IHO1: variants seen among roughly 807,000 people sequenced by gnomAD.
The protein encoded by IHO1 is interactor of HORMAD1 protein 1.
Under a neutral mutation model 31.0 loss-of-function variants are expected in IHO1, and 13 were observed. The observed-to-expected ratio is 0.42, with a 90% CI of 0.27 to 0.67. IHO1 has a LOEUF of 0.67. Ranked by LOEUF, IHO1 falls within the 30% of genes least tolerant of loss-of-function variation. The pLI, the probability that IHO1 is intolerant of heterozygous loss-of-function variation, is 0.24. For synonymous variants in IHO1, 221 were observed against 248.4 expected, an observed-to-expected ratio of 0.89 and a Z score of 1.04; for missense variants, 599 against 687.5, an observed-to-expected ratio of 0.87 and a Z score of 1.44.
At chr3:49,200,508 A>AAAG (rs372393057) in intron 1 of IHO1, 1 of 905,796 alleles carries the variant, frequency 1.1e-6, no homozygotes, top group South Asian at 5.1e-5. Flanking sequence ...AGAAAGAAAG[A>AAAG]AAGAAAGAAA....
chr3:49,195,976 C>CT (rs2045994167), upstream of IHO1, among the ~76,000 whole-genome samples: 2 of 151,454 alleles, frequency 1.3e-5, no homozygotes, highest in Admixed American at 1.3e-4. Flanking sequence ...GGGCTCATGC[C>CT]TGTAATCCCA....
At chr3:49,206,249 C>G (rs2046135125) in intron 1 of IHO1, among the ~76,000 whole-genome samples, 1 of 152,074 alleles carries the variant, frequency 6.6e-6, no homozygotes, top group Non-Finnish European at 1.5e-5. Context: ...CAGGCATGAG[C>G]CCCTGCGCCC....
chr3:49,209,246 C>G (rs1354720964), intron 1 of IHO1, among the ~76,000 whole-genome samples: 1 of 152,136 alleles, frequency 6.6e-6, no homozygotes, highest in Non-Finnish European at 1.5e-5. Flanking sequence ...GAGAGACTAC[C>G]TTTTTTACCT....
At chr3:49,195,874 GGC>G (rs1414629116), upstream of IHO1, among the ~76,000 whole-genome samples, 9 of 151,546 alleles carry the variant, frequency 5.9e-5, no homozygotes, top group East Asian at 1.8e-3. Context: ...GGCCAAGGTG[GGC>G]GGATCACGAG....
At chr3:49,211,720 A>G (rs2046218958) in intron 1 of IHO1, 46 bp from the exon 2 acceptor site, 2 of 942,010 alleles carry the variant, frequency 2.1e-6, no homozygotes, top group Non-Finnish European at 3.4e-6. Flanking sequence ...CTTTGGAAAA[A>G]ATTATACTGT....
chr3:49,256,081 G>C lies in IHO1; in HGVS notation c.637-53G>C, dbSNP rs901419621. The C allele has an allele frequency of 3.7e-5, 53 of 1,448,306 alleles. No homozygotes were observed. The highest frequency in any genetic ancestry group is 4.9e-5 in the Non-Finnish European group (52 of 1,062,640). 89.7% of individuals were successfully genotyped at this position (1,448,306 alleles called of 1,614,324 possible). A position where few individuals can be genotyped will look rare whatever the true frequency, so the allele number is the denominator to read the frequency against. ...TTGGTCTGTTCTCATGTTTTATTGT[G>C]CTTTCTGACTTGCACTGTCCATCAC... is the stretch of plus-strand genomic sequence containing the variant. On this transcript the variant is annotated intron_variant, in intron 7 of 7. Coordinates refer to ENST00000452691, the MANE Select transcript of IHO1 (RefSeq NM_001135197.2). This position sits in a 1 kb window ranked among gnomAD's most constrained non-coding sequence, Gnocchi z 4.6.
chr3:49,194,890 C>G (rs1428702637), upstream of IHO1, among the ~76,000 whole-genome samples: 1 of 151,390 alleles, frequency 6.6e-6, no homozygotes, highest in Non-Finnish European at 1.5e-5. Context: ...AATGAGACCC[C>G]GTCTCAAATA....
chr3:49,215,664 A>AGC (rs1244042462), intron 2 of IHO1, among the ~76,000 whole-genome samples: 1 of 152,150 alleles, frequency 6.6e-6, no homozygotes, highest in Non-Finnish European at 1.5e-5. Context: ...AGGAGATGGG[A>AGC]GCTTAGCCTC....
chr3:49,242,922 G>T (rs185273730), intron 4 of IHO1, among the ~76,000 whole-genome samples: 2 of 152,226 alleles, frequency 1.3e-5, no homozygotes, highest in Admixed American at 1.3e-4. Flanking sequence ...TTTAGGTTCA[G>T]GGGTATATGT....
chr3:49,257,544 G>T lies in IHO1; in HGVS notation c.*262G>T, dbSNP rs1010742805. On this transcript the variant is annotated 3_prime_UTR_variant, in exon 8 of 8. Transcript: ENST00000452691. ...TGAAAACTGAGGCAGCAGCCTGGTT[G>T]TGGGGCATCTGGAGCAGGGTGCCTG... 2.4e-6 allele frequency: 1 copy of T among 415,422 alleles called. No homozygotes were observed. Among genetic ancestry groups the T allele is most frequent in the Admixed American group, 4.1e-5 (1 of 24,522 alleles). 25.7% of individuals were successfully genotyped at this position (415,422 alleles called of 1,614,324 possible).
chr3:49,204,844 G>A (rs1204792241), intron 1 of IHO1, among the ~76,000 whole-genome samples: 1 of 151,894 alleles, frequency 6.6e-6, no homozygotes, highest in African/African-American at 2.4e-5. Context: ...CCAATATGGT[G>A]AAACCCCATC....
At chr3:49,249,461 A>G (rs1040810196) in intron 6 of IHO1, among the ~76,000 whole-genome samples, 5 of 151,958 alleles carry the variant, frequency 3.3e-5, no homozygotes, top group Non-Finnish European at 5.9e-5. Flanking sequence ...AGTAGAGACA[A>G]GGTTTCACCA....
intron 2 of IHO1, 146 bp from the exon 3 acceptor site, chr3:49,236,402 A>C: frequency 1.7e-6 from 1 of 576,180 alleles, no homozygotes; most frequent in South Asian, 2.6e-5. Context: ...CTTGTGTTTC[A>C]TTGTACTGAC....
chr3:49,191,820 AG>A, the IHO1 span: 7 of 1,526,720 alleles, frequency 4.6e-6, no homozygotes, highest in East Asian at 1.5e-4. Context: ...TGTCTTTTGG[AG>A]GGTATCTTCA....
intron 2 of IHO1, among the ~76,000 whole-genome samples, chr3:49,219,039 A>G (rs139300495): frequency 1.2e-4 from 18 of 152,240 alleles, no homozygotes; most frequent in African/African-American, 4.3e-4. Flanking sequence ...AAAAAATAAG[A>G]GGCTCATGCT....
rs147579303 is a variant in IHO1, at chr3:49,201,872, C to G, written c.-16+2299C>G. Among the ~76,000 whole-genome samples, 6 of 152,238 alleles carry G rather than the reference C, an allele frequency of 3.9e-5. No homozygotes were observed. In the East Asian group the frequency reaches 7.7e-4, roughly 20 times the overall value. ...GGTGGAGGTTGTAGTGAGCCAAGAT[C>G]GCAACATTGCACTCCAACCTGGTTA... is the stretch of plus-strand genomic sequence containing the variant. On this transcript the variant is annotated intron_variant, in intron 1 of 7. Coordinates refer to ENST00000452691, the MANE Select transcript of IHO1 (RefSeq NM_001135197.2).
chr3:49,254,236 T>C (rs1386921104), intron 6 of IHO1, among the ~76,000 whole-genome samples: 1 of 152,180 alleles, frequency 6.6e-6, no homozygotes, highest in Non-Finnish European at 1.5e-5. Context: ...TCATATGACC[T>C]GTAGTCTAGC....
intron 1 of IHO1, among the ~76,000 whole-genome samples, chr3:49,211,319 C>G (rs1224685593): frequency 6.6e-6 from 1 of 151,924 alleles, no homozygotes; most frequent in Non-Finnish European, 1.5e-5. Flanking sequence ...CCATTTAGTT[C>G]TAATTTGATT....
chr3:49,209,707 A>G (rs1462600635), intron 1 of IHO1, among the ~76,000 whole-genome samples: 1 of 151,636 alleles, frequency 6.6e-6, no homozygotes, highest in Non-Finnish European at 1.5e-5. Flanking sequence ...ATTTGCAAAA[A>G]GCAAATGACA....
Sources: gnomAD v4.1 joint callset for allele counts (sites outside exome capture counted in the v4.1 genomes callset) on GRCh38, gnomAD v4.1.1 for gene constraint, Gnocchi (gnomAD v3.1) non-coding constraint, MANE v1.5 for transcripts, NCBI Gene and HGNC (gene_info 2026-07-23, HGNC 2026-07-21) for gene names.